The following NANS variants were observed in gnomAD, a reference collection of about 807,000 sequenced individuals.
NANS encodes N-acetylneuraminate synthase.
NANS carries 29 observed loss-of-function variants against 33.3 expected under a neutral mutation model. The observed-to-expected ratio is 0.87, with a 90% confidence interval of 0.65 to 1.19. The LOEUF is 1.19. NANS is among the 50% of genes most tolerant of loss of function. The pLI is 0.00. For synonymous variants in NANS, 163 were observed against 177.2 expected (o/e 0.92, Z 0.64); for missense variants, 394 against 461.1 (o/e 0.85, Z 1.33).
At chr9:98,073,529 C>T (rs1353566890) in intron 2 of NANS, among the ~76,000 whole-genome samples, 4 of 151,134 alleles carry the variant, frequency 2.6e-5, no homozygotes, top group African/African-American at 4.9e-5. Context: ...GTGATCTGCC[C>T]GCCACGGCCT....
At chr9:98,079,236 C>G (rs369434861) in intron 4 of NANS, among the ~76,000 whole-genome samples, 1 of 152,306 alleles carries the variant, frequency 6.6e-6, no homozygotes, top group Middle Eastern at 3.4e-3. Flanking sequence ...TACTGTCTCA[C>G]GCCATCTCTC....
intron 5 of NANS, 42 bp downstream of exon 5, chr9:98,081,124 G>A (rs755902828): frequency 6.2e-7 from 1 of 1,607,734 alleles, no homozygotes; most frequent in Middle Eastern, 1.7e-4. Flanking sequence ...TGCCGTGTGT[G>A]GAAAAAGGAT....
chr9:98,065,679 T>C (rs1011797473), intron 2 of NANS, among the ~76,000 whole-genome samples: 3 of 151,192 alleles, frequency 2.0e-5, no homozygotes, highest in Admixed American at 6.6e-5. Context: ...TGATAACGGT[T>C]TGGCTGTGTC....
At chr9:98,074,949 C>G (rs563682563) in intron 2 of NANS, 2 of 152,102 alleles carry the variant, frequency 1.3e-5, no homozygotes, top group Admixed American at 1.3e-4. Context: ...GATGTTTTTT[C>G]AGTTCTGTCT....
intron 2 of NANS, chr9:98,075,298 AG>A (rs1315726730): frequency 6.6e-6 from 1 of 150,710 alleles, no homozygotes; most frequent in Non-Finnish European, 1.5e-5. Flanking sequence ...ACAAAAGAAA[AG>A]AAAAAGATGG....
chr9:98,078,634 G>A (rs747715955), intron 4 of NANS, among the ~76,000 whole-genome samples: 1 of 151,902 alleles, frequency 6.6e-6, no homozygotes, highest in Non-Finnish European at 1.5e-5. Flanking sequence ...TCAGGAGTTC[G>A]AGACTAGCCT....
In NANS at chr9:98,060,742, C is replaced by A. The variant is rs747902166; in HGVS notation, c.133-40C>A. On this transcript the variant is annotated intron_variant, in intron 1 of 5. Coordinates refer to ENST00000210444, the MANE Select transcript of NANS (RefSeq NM_018946.4). ...AGAATTTTTTCCTTTTTTTGAGAAT[C>A]TACGACAGTCACTGAAAGATGTCCT... is the stretch of plus-strand genomic sequence containing the variant. 2.5e-6 allele frequency: 4 copies of A among 1,597,766 alleles called. No individual in the cohort carries two copies. In the Admixed American group the frequency reaches 6.7e-5, roughly 27 times the overall value.
At chr9:98,073,961 T>C (rs1829468159) in intron 2 of NANS, among the ~76,000 whole-genome samples, 2 of 152,088 alleles carry the variant, frequency 1.3e-5, no homozygotes, top group African/African-American at 4.8e-5. Context: ...AATTTTTATA[T>C]GTTTTGTAGA....
At chr9:98,074,358 CCCAGATAGAGGGAA>C (rs1829486191) in intron 2 of NANS, among the ~76,000 whole-genome samples, 1 of 152,076 alleles carries the variant, frequency 6.6e-6, no homozygotes, top group Admixed American at 6.6e-5. Flanking sequence ...TGCATGGAAC[CCCAGATAGAGGGAA>C]CCCGATAGCA....
chr9:98,062,289 G>A (rs1040574867), intron 2 of NANS, among the ~76,000 whole-genome samples: 2 of 151,980 alleles, frequency 1.3e-5, no homozygotes, highest in Non-Finnish European at 2.9e-5. Context: ...TGACTTGAGT[G>A]GGGGGACACT....
chr9:98,057,537 A>AG (rs1431540090), intron 1 of NANS, among the ~76,000 whole-genome samples: 3 of 152,102 alleles, frequency 2.0e-5, no homozygotes, highest in Admixed American at 6.6e-5. Context: ...CCTTTTCCCC[A>AG]TTTGAAAACG....
At chr9:98,073,590 CTTT>C (rs34969073) in intron 2 of NANS, among the ~76,000 whole-genome samples, 1 of 141,670 alleles carries the variant, frequency 7.1e-6, no homozygotes. Flanking sequence ...GCCTGGGCTT[CTTT>C]TTTTTTTTTT....
chr9:98,070,833 C>T (rs560805960), intron 2 of NANS, among the ~76,000 whole-genome samples: 1 of 147,296 alleles, frequency 6.8e-6, no homozygotes, highest in South Asian at 2.1e-4. Context: ...GAGACAGGGT[C>T]TCACTCTGTT....
At chr9:98,057,045 C>G in intron 1 of NANS, 105 bp downstream of exon 1, 1 of 1,367,264 alleles carries the variant, frequency 7.3e-7, no homozygotes, top group Non-Finnish European at 9.6e-7. Flanking sequence ...TACCCTGGTC[C>G]GGCCTCTTCC....
At chr9:98,058,779 T>C (rs1227839266) in intron 1 of NANS, among the ~76,000 whole-genome samples, 1 of 152,158 alleles carries the variant, frequency 6.6e-6, no homozygotes, top group East Asian at 1.9e-4. Context: ...TGAGCTGGAA[T>C]CTAGGTGGCT....
At chr9:98,062,211 A>C (rs920614633) in intron 2 of NANS, among the ~76,000 whole-genome samples, 2 of 121,328 alleles carry the variant, frequency 1.6e-5, no homozygotes, top group Non-Finnish European at 3.8e-5. Flanking sequence ...GTCTCTTAAT[A>C]AAAAAAAAAA....
rs570207578 is a variant in NANS, at chr9:98,072,317, C to T, written c.349-4601C>T. On this transcript the variant is annotated intron_variant, in intron 2 of 5. Coordinates refer to ENST00000210444, the MANE Select transcript of NANS (RefSeq NM_018946.4). Reference sequence around the variant, plus strand: ...ACCCTTTGGAGTTTTTCTGCCTCAGCCTATTTGGGCAGGTAGGTTCCTCTG... The same window carrying T: ...ACCCTTTGGAGTTTTTCTGCCTCAGTCTATTTGGGCAGGTAGGTTCCTCTG... Among the ~76,000 whole-genome samples the T allele has an allele frequency of 6.6e-5, 10 of 152,268 alleles. No individual in the cohort carries two copies. In the East Asian group the frequency reaches 1.5e-3, roughly 23 times the overall value.
At chr9:98,064,277 G>A (rs115400753) in intron 2 of NANS, among the ~76,000 whole-genome samples, 2,561 of 151,674 alleles carry the variant, frequency 0.017, 78 homozygotes, top group African/African-American at 0.057. Context: ...TTTTAAAGAC[G>A]GAGTCTTGGT....
intron 2 of NANS, among the ~76,000 whole-genome samples, chr9:98,062,004 T>C (rs1828997768): frequency 6.6e-6 from 1 of 151,496 alleles, no homozygotes; most frequent in Non-Finnish European, 1.5e-5. Context: ...GAAGGACTGC[T>C]TGAGGCCAGG....
Sources: allele counts gnomAD v4.1 joint callset (sites outside exome capture counted in the v4.1 genomes callset), GRCh38; gene constraint gnomAD v4.1.1; transcripts MANE v1.5; gene names NCBI Gene and HGNC (gene_info 2026-07-23, HGNC 2026-07-21).